The following FAM110B variants were observed in gnomAD, a reference collection of about 807,000 sequenced individuals.
FAM110B encodes protein FAM110B.
FAM110B carries 6 observed loss-of-function variants against 20.4 expected under a neutral mutation model. That is an observed-to-expected ratio of 0.29 (90% CI 0.16 to 0.58). The LOEUF is 0.58. Among genes scored for constraint, FAM110B ranks in the 20% least tolerant of loss-of-function variants. FAM110B has a pLI of 0.90. For synonymous variants in FAM110B, 226 were observed against 214.1 expected (o/e 1.06, Z -0.49); for missense variants, 434 against 498.2 (o/e 0.87, Z 1.23).
At chr8:58,073,991 GTCCTGCGGTCAGGAAA>G (rs1399166726) in intron 2 of FAM110B, among the ~76,000 whole-genome samples, 3 of 152,090 alleles carry the variant, frequency 2.0e-5, no homozygotes, top group African/African-American at 7.2e-5. Flanking sequence ...ACTCCTATAG[GTCCTGCGGTCAGGAAA>G]TCCTCCTAAT....
At chr8:58,133,241 T>A (rs1803527170) in intron 3 of FAM110B, among the ~76,000 whole-genome samples, 1 of 149,096 alleles carries the variant, frequency 6.7e-6, no homozygotes, top group African/African-American at 2.5e-5. Flanking sequence ...CAGGCACAAA[T>A]GGGGAGGCCG....
intron 1 of FAM110B, among the ~76,000 whole-genome samples, chr8:58,006,629 G>A (rs920535945): frequency 8.0e-5 from 12 of 150,682 alleles, no homozygotes; most frequent in African/African-American, 2.7e-4. Flanking sequence ...TCAATGCAGG[G>A]TCTCACTCTG....
intron 2 of FAM110B, among the ~76,000 whole-genome samples, chr8:58,046,684 T>C (rs549441805): frequency 6.6e-6 from 1 of 152,232 alleles, no homozygotes; most frequent in South Asian, 2.1e-4. Flanking sequence ...CCTCTTACCA[T>C]AGGCAAAATA....
At chr8:58,131,605 G>A (rs192032432) in intron 3 of FAM110B, among the ~76,000 whole-genome samples, 11 of 152,196 alleles carry the variant, frequency 7.2e-5, no homozygotes, top group Admixed American at 6.5e-4. Flanking sequence ...TCTTATCTAA[G>A]TCAACAGTAA....
intron 3 of FAM110B, among the ~76,000 whole-genome samples, chr8:58,099,619 T>A (rs1219364630): frequency 1.3e-5 from 2 of 152,228 alleles, no homozygotes; most frequent in Non-Finnish European, 2.9e-5. Flanking sequence ...CTGGGCAGAT[T>A]TAGTACTCTC....
chr8:58,014,395 G>A (rs1032412827), intron 1 of FAM110B, among the ~76,000 whole-genome samples: 2 of 152,150 alleles, frequency 1.3e-5, no homozygotes, highest in Admixed American at 6.5e-5. Flanking sequence ...GGTCTGGGGA[G>A]GGCCTCGAGA....
intron 1 of FAM110B, among the ~76,000 whole-genome samples, chr8:57,997,008 T>C (rs1028195598): frequency 1.3e-4 from 20 of 152,246 alleles, no homozygotes; most frequent in Non-Finnish European, 2.5e-4. Context: ...GAGTTTACTC[T>C]TATTTCATGT....
In FAM110B at chr8:58,146,286, G is replaced by A. The variant is rs1324585494; in HGVS notation, c.56G>A (p.Gly19Asp). Reference protein sequence around the residue: ...GSMVKPVSPAGTFTSAVPLRI... With the variant: ...GSMVKPVSPADTFTSAVPLRI... ...ATGGTGAAGCCGGTCAGCCCCGCGG[G>A]CACCTTCACCTCTGCTGTGCCCCTG... is the stretch of plus-strand genomic sequence containing the variant. Residue 19 changes from glycine to aspartate, a missense_variant, in exon 4 of 4, where the codon GGC becomes GAC. By Grantham distance (94) the Gly-to-Asp change is moderately conservative. Coordinates refer to ENST00000519262, the MANE Select transcript of FAM110B (RefSeq NM_001377989.1). The A allele has an allele frequency of 6.2e-7, 1 of 1,613,558 alleles. No homozygotes were observed.
intron 1 of FAM110B, among the ~76,000 whole-genome samples, chr8:58,003,811 T>A (rs1420733690): frequency 2.0e-5 from 3 of 152,072 alleles, no homozygotes; most frequent in Admixed American, 1.3e-4. Context: ...AGACTTAGTA[T>A]CATTCTTAAG....
chr8:58,107,056 C>G (rs1253827042), intron 3 of FAM110B, among the ~76,000 whole-genome samples: 1 of 150,622 alleles, frequency 6.6e-6, no homozygotes, highest in African/African-American at 2.5e-5. Flanking sequence ...CATAACCTCA[C>G]AAAGCAGGGA....
At chr8:57,999,012 G>T (rs140324128) in intron 1 of FAM110B, among the ~76,000 whole-genome samples, 98 of 152,274 alleles carry the variant, frequency 6.4e-4, no homozygotes, top group Non-Finnish European at 1.3e-3. Flanking sequence ...ACTCCCATAA[G>T]AAACTGGCAT....
At chr8:58,107,386 T>C (rs2150616208) in intron 3 of FAM110B, among the ~76,000 whole-genome samples, 1 of 152,290 alleles carries the variant, frequency 6.6e-6, no homozygotes, top group Middle Eastern at 3.4e-3. Context: ...CCACCGGGAT[T>C]CTCCATCAGC....
chr8:58,095,630 G>T (rs1016692620), intron 3 of FAM110B, among the ~76,000 whole-genome samples: 1 of 152,062 alleles, frequency 6.6e-6, no homozygotes, highest in African/African-American at 2.4e-5. Context: ...CCATTCTTTT[G>T]CATTTGCTGA....
At chr8:58,006,422 C>T (rs1804404188) in intron 1 of FAM110B, among the ~76,000 whole-genome samples, 1 of 152,068 alleles carries the variant, frequency 6.6e-6, no homozygotes, top group African/African-American at 2.4e-5. Flanking sequence ...TAGTGGGTGG[C>T]CATGGCACCC....
In FAM110B at chr8:58,147,961, G is replaced by T. The variant is rs912349682; in HGVS notation, c.*618G>T. ...TGTCCGATTCAGTGTGTAAACGTTG[G>T]TGGTTCTATGTAATACTGACCCCAA... On this transcript the variant is annotated 3_prime_UTR_variant, in exon 4 of 4. Coordinates refer to ENST00000519262, the MANE Select transcript of FAM110B (RefSeq NM_001377989.1). The T allele has an allele frequency of 1.2e-5, 2 of 168,266 alleles. No individual in the cohort carries two copies. The highest frequency in any genetic ancestry group is 2.9e-5 in the Non-Finnish European group (2 of 69,066). The allele number at this position is 168,266 out of a possible 1,614,324, so 10.4% of individuals were successfully genotyped here.
chr8:58,140,638 A>C (rs1338221763), intron 3 of FAM110B, among the ~76,000 whole-genome samples: 1 of 152,174 alleles, frequency 6.6e-6, no homozygotes, highest in Admixed American at 6.5e-5. Context: ...CCATGTCACC[A>C]ATGCTCAATT....
intron 1 of FAM110B, among the ~76,000 whole-genome samples, chr8:58,027,139 T>C (rs1322767998): frequency 6.6e-6 from 1 of 152,216 alleles, no homozygotes; most frequent in Non-Finnish European, 1.5e-5. Context: ...TTTATCCCTT[T>C]ACATTGAAGA....
intron 3 of FAM110B, among the ~76,000 whole-genome samples, chr8:58,125,847 G>C (rs181065310): frequency 1.3e-5 from 2 of 152,194 alleles, no homozygotes; most frequent in Admixed American, 1.3e-4. Context: ...ATTTTACTTT[G>C]AAATTACAGA....
Position 58,147,686 on chromosome 8 carries a change from G to T in FAM110B, c.*343G>T, listed in dbSNP as rs77511139. On this transcript the variant is annotated 3_prime_UTR_variant, in exon 4 of 4. Transcript: ENST00000519262. ...CCGCGCTATTGTGTCTTAATTAAAA[G>T]TTTTATCAACTGGCTTTTAAGTTGA... is the stretch of plus-strand genomic sequence containing the variant. The T allele has an allele frequency of 4.4e-6, 1 of 225,008 alleles. No homozygotes were observed. The highest frequency in any genetic ancestry group is 9.6e-6 in the Non-Finnish European group (1 of 103,960). 13.9% of individuals were successfully genotyped at this position (225,008 alleles called of 1,614,324 possible).
Sources: gnomAD v4.1 joint callset for allele counts (sites outside exome capture counted in the v4.1 genomes callset) on GRCh38, gnomAD v4.1.1 for gene constraint, MANE v1.5 for transcripts, NCBI Gene and HGNC (gene_info 2026-07-23, HGNC 2026-07-21) for gene names.